Variants in ATAD2 observed in about 807,000 individuals in gnomAD.
ATAD2 encodes the protein ATPase family AAA domain containing 2, also known as ATPase family AAA domain-containing protein 2.
ATAD2 carries 62 observed loss-of-function variants against 168.9 expected under a neutral mutation model. The ratio of observed to expected loss-of-function variants is 0.37; its 90% CI spans 0.30 to 0.45. ATAD2 has a LOEUF of 0.45. Ranked by LOEUF, ATAD2 falls within the 20% of genes least tolerant of loss-of-function variation. The pLI is 1.00. For missense variants in ATAD2, 1,419 were observed against 1,667.8 expected (o/e 0.85, Z 2.60); for synonymous variants, 613 against 571.6 (o/e 1.07, Z -1.03).
chr8:123,364,228 T>G (rs1287565096), intron 8 of ATAD2, among the ~76,000 whole-genome samples: 2 of 151,590 alleles, frequency 1.3e-5, no homozygotes, highest in African/African-American at 2.4e-5. Context: ...AAAAAAAAAC[T>G]GAAACAGAGT....
rs190171748 is a variant in ATAD2 at position 123,415,964 on chromosome 8, C to T, written c.-2282+284G>A. On this transcript the variant is annotated intron_variant, in intron 1 of 28. Coordinates refer to the ATAD2 transcript ENST00000521903. ...GTAATTGAACAAAATATATGATTAACACAAAAAGGATACCATATGGACTCT... is the reference window on the plus strand; with the variant it reads ...GTAATTGAACAAAATATATGATTAATACAAAAAGGATACCATATGGACTCT... Among the ~76,000 whole-genome samples, 390 of 152,112 alleles carry T rather than the reference C, an allele frequency of 2.6e-3. 1 individual carries two copies. The highest frequency in any genetic ancestry group is 8.5e-3 in the African/African-American group (353 of 41,514).
chr8:123,358,976 T>A (rs565335079), intron 11 of ATAD2, among the ~76,000 whole-genome samples: 1 of 152,128 alleles, frequency 6.6e-6, no homozygotes, highest in Non-Finnish European at 1.5e-5. Flanking sequence ...AGTGCTGGGA[T>A]TACAGGCATG....
At chr8:123,366,116 C>T (rs1270308194) in intron 8 of ATAD2, among the ~76,000 whole-genome samples, 3 of 152,064 alleles carry the variant, frequency 2.0e-5, no homozygotes, top group African/African-American at 7.2e-5. Flanking sequence ...TGGACATGAA[C>T]AGACAATTCT....
rs1827602028 is a variant in ATAD2, at chr8:123,325,901, G to T, written c.3994C>A (p.Arg1332=). The change falls in exon 26 of 28, where the codon CGA becomes AGA. Residue 1332 remains arginine, a synonymous_variant. Transcript: ENST00000287394. ...GATTTCAATTTACATACTTTTAATC[G>T]CTCATGATCCACAACAAGTGAGGGT... ...PTPSLVVDHE[R]LKNLLKTVVK... 4 of 1,613,682 alleles carry T rather than the reference G, an allele frequency of 2.5e-6. No homozygotes were observed. Among genetic ancestry groups the T allele is most frequent in the African/African-American group, 1.3e-5 (1 of 74,884 alleles).
Position 123,369,986 on chromosome 8 carries a change from C to T in ATAD2, c.766G>A (p.Asp256Asn). Residue 256 changes from aspartate to asparagine, a missense_variant, in exon 7 of 28, where the codon GAT becomes AAT. Asp to Asn is a conservative substitution (Grantham distance 23, BLOSUM62 1). Around this residue, in one of 5 missense-constraint regions of ATAD2, gnomAD observed 419 missense variants for 423.5 expected, o/e 0.99. Transcript: ENST00000287394. ...TCTTCATCATCTTCATCTTCACCAT[C>T]ATCTTCATGTTCTTGGTCTTCACCC... ...EEGEDQEHED[D>N]GEDEDDEDDD... 1 of 1,590,868 alleles carries T rather than the reference C, an allele frequency of 6.3e-7. No individual in the cohort carries two copies. The highest frequency in any genetic ancestry group is 8.6e-7 in the Non-Finnish European group (1 of 1,161,556).
intron 9 of ATAD2, among the ~76,000 whole-genome samples, chr8:123,361,316 C>CAA (rs60766157): frequency 9.8e-5 from 10 of 102,504 alleles, no homozygotes; most frequent in East Asian, 3.0e-4. Flanking sequence ...GGCCCTGTCT[C>CAA]AAAAAAAAAA....
chr8:123,392,911 G>T (rs970641004), intron 1 of ATAD2, among the ~76,000 whole-genome samples: 1 of 152,132 alleles, frequency 6.6e-6, no homozygotes, highest in Non-Finnish European at 1.5e-5. Context: ...TTTGCTGGGC[G>T]CGGTGGCTCA....
intron 1 of ATAD2, among the ~76,000 whole-genome samples, chr8:123,410,586 T>C (rs1813139879): frequency 6.6e-6 from 1 of 152,182 alleles, no homozygotes; most frequent in Admixed American, 6.5e-5. Flanking sequence ...ATGCCCAGCC[T>C]ATATGTTTTT....
At chr8:123,394,349 G>A (rs1424766953) in intron 1 of ATAD2, among the ~76,000 whole-genome samples, 1 of 152,112 alleles carries the variant, frequency 6.6e-6, no homozygotes, top group East Asian at 1.9e-4. Context: ...TATGTATTTG[G>A]CCAAGCAGGG....
chr8:123,340,477 G>T (rs969782365), intron 19 of ATAD2, among the ~76,000 whole-genome samples: 10 of 152,066 alleles, frequency 6.6e-5, no homozygotes, highest in African/African-American at 2.4e-4. Flanking sequence ...AGATCCCAAA[G>T]AACTGAAAAC....
intron 2 of ATAD2, among the ~76,000 whole-genome samples, chr8:123,373,484 C>T (rs1462362834): frequency 6.6e-6 from 1 of 151,928 alleles, no homozygotes; most frequent in Non-Finnish European, 1.5e-5. Context: ...TACCTAAAAA[C>T]TTAAAATATA....
intron 1 of ATAD2, among the ~76,000 whole-genome samples, chr8:123,395,379 C>T (rs1265336596): frequency 6.6e-6 from 1 of 152,176 alleles, no homozygotes; most frequent in Non-Finnish European, 1.5e-5. Flanking sequence ...CGTCACTGCA[C>T]TTCAGACCTA....
At chr8:123,395,666 A>G (rs1326743497) in intron 1 of ATAD2, among the ~76,000 whole-genome samples, 2 of 152,108 alleles carry the variant, frequency 1.3e-5, no homozygotes, top group African/African-American at 4.8e-5. Flanking sequence ...ACATTATGCA[A>G]CCTGGTATTA....
chr8:123,415,210 G>C (rs1287115009), intron 1 of ATAD2, among the ~76,000 whole-genome samples: 1 of 152,170 alleles, frequency 6.6e-6, no homozygotes, highest in Non-Finnish European at 1.5e-5. Flanking sequence ...TGTTTTGTTT[G>C]AGGAGGCTAA....
chr8:123,326,932 T>C (rs1265420831), intron 25 of ATAD2, among the ~76,000 whole-genome samples: 2 of 150,762 alleles, frequency 1.3e-5, no homozygotes, highest in Non-Finnish European at 3.0e-5. Context: ...TGAGATGGAG[T>C]CTTTCTGTCA....
At chr8:123,349,644 A>G (rs1213104213) in intron 13 of ATAD2, among the ~76,000 whole-genome samples, 200 bp from the exon 14 acceptor site, 2 of 152,178 alleles carry the variant, frequency 1.3e-5, no homozygotes, top group African/African-American at 4.8e-5. Flanking sequence ...AATGGAAAAC[A>G]GACGGTTGTT....
chr8:123,366,808 C>G (rs1365742896), intron 8 of ATAD2, among the ~76,000 whole-genome samples: 1 of 151,666 alleles, frequency 6.6e-6, no homozygotes, highest in Non-Finnish European at 1.5e-5. Flanking sequence ...GTGATGGGTT[C>G]ACCAAAATCT....
intron 1 of ATAD2, among the ~76,000 whole-genome samples, chr8:123,412,287 T>C (rs1468490873): frequency 6.6e-6 from 1 of 152,234 alleles, no homozygotes; most frequent in African/African-American, 2.4e-5. Context: ...TATTTTTGGA[T>C]TTCTTTGTTA....
Position 123,364,904 on chromosome 8 carries a change from T to C in ATAD2, c.1050-3258A>G, listed in dbSNP as rs1828926315. On this transcript the variant is annotated intron_variant, in intron 8 of 27. Transcript: ENST00000287394. ...CCACTCTCACCACTTCTATTCAACA[T>C]AGTACTGGAAGTCCTAGCCACAGCA... Among the ~76,000 whole-genome samples the C allele has an allele frequency of 2.0e-5, 3 of 152,042 alleles. No homozygotes were observed. In the South Asian group the frequency reaches 6.2e-4, roughly 32 times the overall value.
Sources: allele counts gnomAD v4.1 joint callset (sites outside exome capture counted in the v4.1 genomes callset), GRCh38; gene constraint gnomAD v4.1.1; regional missense constraint gnomAD v4.1.1; transcripts MANE v1.5; gene names NCBI Gene and HGNC (gene_info 2026-07-23, HGNC 2026-07-21).